TENM1: variants seen among roughly 807,000 people sequenced by gnomAD.
The protein encoded by TENM1 is teneurin-1.
In TENM1, 35 loss-of-function variants were observed where a neutral mutation model predicts 174.8. The observed-to-expected ratio is 0.20, with a 90% CI of 0.15 to 0.27. The LOEUF is 0.27. Among genes scored for constraint, TENM1 ranks in the 10% least tolerant of loss-of-function variants. The pLI is 1.00. For missense variants in TENM1, 1,633 were observed against 2,130.1 expected (o/e 0.77, Z 4.59); for synonymous variants, 781 against 798.7 (o/e 0.98, Z 0.37).
chrX:125,049,369 T>G, the TENM1 span, among the ~76,000 whole-genome samples: 1 of 112,423 alleles, frequency 8.9e-6, no homozygotes, highest in Non-Finnish European at 1.9e-5. Flanking sequence ...TTTCTTTCAC[T>G]TAGCATAATG....
chrX:125,047,643 A>T, the TENM1 span, among the ~76,000 whole-genome samples: 1 of 111,102 alleles, frequency 9.0e-6, no homozygotes, highest in African/African-American at 3.3e-5. Flanking sequence ...AATTTTTTCT[A>T]CTCATTTTGC....
intron 3 of TENM1, among the ~76,000 whole-genome samples, chrX:124,780,730 C>T (rs990579298): frequency 9.0e-6 from 1 of 111,309 alleles, no homozygotes; most frequent in Admixed American, 9.6e-5. Context: ...GGAATAGAAT[C>T]CATTATTTTC....
At chrX:124,463,835 G>GT in intron 22 of TENM1, among the ~76,000 whole-genome samples, 1 of 82,964 alleles carries the variant, frequency 1.2e-5, no homozygotes, top group Non-Finnish European at 2.2e-5. Context: ...ATAGAGGTTG[G>GT]GGTGTGTGTG....
At chrX:125,179,417 C>G in the TENM1 span, among the ~76,000 whole-genome samples, 4 of 107,016 alleles carry the variant, frequency 3.7e-5, no homozygotes, top group South Asian at 1.7e-3. Flanking sequence ...ATTTCAAGAC[C>G]AGCCTGGGCA....
chrX:124,496,658 C>T (rs2047208659), intron 20 of TENM1, among the ~76,000 whole-genome samples: 1 of 111,682 alleles, frequency 9.0e-6, no homozygotes, highest in African/African-American at 3.3e-5. Flanking sequence ...CAATACCTCT[C>T]CCAACTAGAA....
At chrX:125,181,532 G>A in the TENM1 span, among the ~76,000 whole-genome samples, 2 of 111,948 alleles carry the variant, frequency 1.8e-5, no homozygotes, top group African/African-American at 6.5e-5. Flanking sequence ...ACCCATGCCA[G>A]GGTAACTTGT....
At chrX:124,669,223 C>G (rs2051859251) in intron 6 of TENM1, among the ~76,000 whole-genome samples, 2 of 111,570 alleles carry the variant, frequency 1.8e-5, no homozygotes, top group East Asian at 5.6e-4. Flanking sequence ...AGGGCACTGG[C>G]TGGGCGAGGT....
intron 27 of TENM1, among the ~76,000 whole-genome samples, chrX:124,398,136 G>A (rs759989094): frequency 9.2e-6 from 1 of 108,965 alleles, no homozygotes; most frequent in Admixed American, 9.7e-5. Flanking sequence ...GCTGAGGAAG[G>A]AGAACTGCTC....
chrX:125,195,895 A>G, the TENM1 span, among the ~76,000 whole-genome samples: 3 of 110,404 alleles, frequency 2.7e-5, no homozygotes, highest in South Asian at 3.8e-4. Context: ...CCAATATTTT[A>G]GTGAGTGTCC....
intron 22 of TENM1, among the ~76,000 whole-genome samples, chrX:124,478,296 AG>A (rs1032632742): frequency 8.9e-6 from 1 of 112,532 alleles, no homozygotes; most frequent in Non-Finnish European, 1.9e-5. Flanking sequence ...GTATTGAAAA[AG>A]AAAGTCCGGG....
At chrX:124,832,775 A>G (rs764899180) in intron 3 of TENM1, among the ~76,000 whole-genome samples, 2 of 111,702 alleles carry the variant, frequency 1.8e-5, no homozygotes, top group South Asian at 7.6e-4. Context: ...GGGTTTTGCC[A>G]TATTGCCCTG....
chrX:124,978,262 T>A, the TENM1 span, among the ~76,000 whole-genome samples: 1 of 111,653 alleles, frequency 9.0e-6, no homozygotes, highest in African/African-American at 3.3e-5. Flanking sequence ...CCTTTATTGA[T>A]GGTTTATTTT....
intron 11 of TENM1, among the ~76,000 whole-genome samples, chrX:124,602,578 T>C (rs2050053969): frequency 9.0e-6 from 1 of 110,526 alleles, no homozygotes; most frequent in South Asian, 3.8e-4. Flanking sequence ...TTGGGAGTCT[T>C]AGGCAGAATG....
At chrX:124,812,699 A>G (rs1170532208) in intron 3 of TENM1, among the ~76,000 whole-genome samples, 1 of 111,072 alleles carries the variant, frequency 9.0e-6, no homozygotes, top group East Asian at 2.8e-4. Context: ...TTCCTTCCTC[A>G]TATGCCAGTT....
chrX:125,194,972 A>G, the TENM1 span, among the ~76,000 whole-genome samples: 2 of 112,365 alleles, frequency 1.8e-5, no homozygotes, highest in African/African-American at 3.2e-5. Context: ...CATTTGTTAT[A>G]TGACCGGAGT....
chrX:124,937,812 G>A (rs1230133297), intron 1 of TENM1, among the ~76,000 whole-genome samples: 1 of 111,540 alleles, frequency 9.0e-6, no homozygotes, highest in African/African-American at 3.3e-5. Context: ...ATAGCAACTC[G>A]ATGGGCTATG....
At chrX:124,900,438 C>G (rs191150378) in intron 1 of TENM1, among the ~76,000 whole-genome samples, 1 of 111,923 alleles carries the variant, frequency 8.9e-6, no homozygotes, top group Admixed American at 9.5e-5. Flanking sequence ...TTGGGGTGAT[C>G]TAAATGTCCG....
the TENM1 span, among the ~76,000 whole-genome samples, chrX:124,992,171 C>CT: frequency 9.0e-6 from 1 of 111,418 alleles, no homozygotes; most frequent in East Asian, 2.8e-4. Flanking sequence ...TTTTAATTTA[C>CT]TGCTGGGCTT....
chrX:125,030,870 C>T, the TENM1 span, among the ~76,000 whole-genome samples: 1 of 111,542 alleles, frequency 9.0e-6, no homozygotes, highest in Non-Finnish European at 1.9e-5. Flanking sequence ...AAATGGATGC[C>T]TGAATAAAAT....
Sources: allele counts gnomAD v4.1 joint callset (sites outside exome capture counted in the v4.1 genomes callset), GRCh38; gene constraint gnomAD v4.1.1; transcripts MANE v1.5; gene names NCBI Gene and HGNC (gene_info 2026-07-23, HGNC 2026-07-21).